Variants in PDE1C observed in about 807,000 individuals in gnomAD.
The protein encoded by PDE1C is phosphodiesterase 1C, also known as dual specificity calcium/calmodulin-dependent 3',5'-cyclic nucleotide phosphodiesterase 1C.
Under a neutral mutation model 93.1 loss-of-function variants are expected in PDE1C, and 62 were observed. The observed-to-expected ratio is 0.67, with a 90% CI of 0.54 to 0.82. The LOEUF (loss-of-function observed/expected upper bound fraction) is 0.82. Among genes scored for constraint, PDE1C ranks in the 40% least tolerant of loss-of-function variants. The probability of loss-of-function intolerance (pLI) is 0.00; values close to 1 mark genes in which losing one functional copy is unlikely to be tolerated. For missense variants in PDE1C, 742 were observed against 884.6 expected (o/e 0.84, Z 2.04); for synonymous variants, 325 against 310.1 (o/e 1.05, Z -0.50).
At chr7:32,238,226 T>G (rs979728636) in intron 1 of PDE1C, among the ~76,000 whole-genome samples, 6 of 152,206 alleles carry the variant, frequency 3.9e-5, no homozygotes, top group Admixed American at 2.0e-4. Context: ...AAAGTATAAC[T>G]TTTCAAATGA....
At chr7:31,736,184 C>T in the PDE1C span, among the ~76,000 whole-genome samples, 1 of 152,100 alleles carries the variant, frequency 6.6e-6, no homozygotes, top group Non-Finnish European at 1.5e-5. Flanking sequence ...CATGCAAAGA[C>T]GCACTCTCGT....
At chr7:31,830,517 G>C (rs1312871159) in intron 11 of PDE1C, among the ~76,000 whole-genome samples, 1 of 152,148 alleles carries the variant, frequency 6.6e-6, no homozygotes, top group Non-Finnish European at 1.5e-5. Context: ...ATGAATATTT[G>C]TTGAATAAAT....
the PDE1C span, among the ~76,000 whole-genome samples, chr7:31,671,594 T>G: frequency 1.3e-5 from 2 of 151,932 alleles, no homozygotes; most frequent in African/African-American, 2.4e-5. Context: ...CCCTCCAAAC[T>G]GGGTACACTG....
chr7:31,982,294 C>T (rs1039092852), intron 2 of PDE1C, among the ~76,000 whole-genome samples: 3 of 152,080 alleles, frequency 2.0e-5, no homozygotes, highest in Admixed American at 1.3e-4. Flanking sequence ...ACAAGCACAT[C>T]GGTGTGAACT....
chr7:31,687,457 A>T, the PDE1C span, among the ~76,000 whole-genome samples: 2 of 152,200 alleles, frequency 1.3e-5, no homozygotes, highest in Non-Finnish European at 2.9e-5. Flanking sequence ...CAGCAGAAAA[A>T]GTTACCACTT....
At chr7:32,375,973 A>G (rs929728256) in intron 1 of PDE1C, among the ~76,000 whole-genome samples, 1 of 152,196 alleles carries the variant, frequency 6.6e-6, no homozygotes, top group Admixed American at 6.5e-5. Context: ...CCTGGCCAAC[A>G]GAGCAAAATC....
At chr7:31,849,601 G>A (rs913429031) in intron 8 of PDE1C, among the ~76,000 whole-genome samples, 1 of 152,146 alleles carries the variant, frequency 6.6e-6, no homozygotes, top group South Asian at 2.1e-4. Flanking sequence ...TTAAATACAT[G>A]TAGATTGATT....
At chr7:32,393,687 A>C (rs1471842375) in intron 1 of PDE1C, among the ~76,000 whole-genome samples, 1 of 152,184 alleles carries the variant, frequency 6.6e-6, no homozygotes, top group East Asian at 1.9e-4. Context: ...GAAAGCATAG[A>C]CCTAGACTTT....
At chr7:31,628,436 C>A in the PDE1C span, among the ~76,000 whole-genome samples, 1 of 151,730 alleles carries the variant, frequency 6.6e-6, no homozygotes, top group East Asian at 1.9e-4. Context: ...AAGAGAAACA[C>A]AAGCGTGATT....
intron 1 of PDE1C, among the ~76,000 whole-genome samples, chr7:32,313,915 T>C (rs1303429540): frequency 1.3e-5 from 2 of 151,692 alleles, no homozygotes; most frequent in South Asian, 2.1e-4. Context: ...AATAATAAAA[T>C]AAAATAAAAT....
intron 17 of PDE1C, among the ~76,000 whole-genome samples, chr7:31,754,869 A>G (rs1355154444): frequency 2.0e-5 from 3 of 152,234 alleles, no homozygotes; most frequent in Non-Finnish European, 4.4e-5. Context: ...AGCACATAGA[A>G]TAATCCTTAA....
intron 1 of PDE1C, among the ~76,000 whole-genome samples, chr7:32,377,528 G>A (rs375629720): frequency 1.9e-4 from 29 of 152,242 alleles, no homozygotes; most frequent in African/African-American, 6.5e-4. Context: ...CCATTGAGAA[G>A]CATTTTATCC....
the PDE1C span, among the ~76,000 whole-genome samples, chr7:31,640,208 T>C: frequency 6.6e-6 from 1 of 152,228 alleles, no homozygotes; most frequent in African/African-American, 2.4e-5. Context: ...CTCAATGTCC[T>C]GTGAAATAGG....
intron 3 of PDE1C, among the ~76,000 whole-genome samples, chr7:32,085,519 C>G (rs1797014313): frequency 6.7e-6 from 1 of 149,322 alleles, no homozygotes; most frequent in African/African-American, 2.5e-5. Context: ...CAGCATCATC[C>G]TGATACCAAA....
intron 15 of PDE1C, among the ~76,000 whole-genome samples, chr7:31,814,607 G>C (rs542274914): frequency 6.6e-6 from 1 of 151,576 alleles, no homozygotes; most frequent in East Asian, 1.9e-4. Flanking sequence ...CCACGGCCCT[G>C]TGGCATAATA....
At chr7:32,244,782 C>T (rs1457924582) in intron 1 of PDE1C, among the ~76,000 whole-genome samples, 2 of 152,070 alleles carry the variant, frequency 1.3e-5, no homozygotes, top group Admixed American at 6.5e-5. Flanking sequence ...TCTCATACAA[C>T]TATGAAAGTG....
At chr7:31,845,710 G>A (rs888962256) in intron 9 of PDE1C, among the ~76,000 whole-genome samples, 1 of 152,034 alleles carries the variant, frequency 6.6e-6, no homozygotes, top group African/African-American at 2.4e-5. Context: ...ATAAAAGGTG[G>A]CCAGGCACAG....
At chr7:32,298,801 G>T in exon 1 of PDE1C, 1 of 1,532,074 alleles carries the variant, frequency 6.5e-7, no homozygotes, top group Non-Finnish European at 8.7e-7. Context: ...CCCCACGGCG[G>T]AGTGAGCAGC....
chr7:31,985,928 T>C (rs1436853284), intron 2 of PDE1C, among the ~76,000 whole-genome samples: 1 of 152,242 alleles, frequency 6.6e-6, no homozygotes, highest in Admixed American at 6.5e-5. Context: ...CCCTAGCACC[T>C]TGCTCCTCAT....
Sources: allele counts gnomAD v4.1 joint callset (sites outside exome capture counted in the v4.1 genomes callset), GRCh38; gene constraint gnomAD v4.1.1; transcripts MANE v1.5; gene names NCBI Gene and HGNC (gene_info 2026-07-23, HGNC 2026-07-21).